The following CADM2 variants were observed in gnomAD, a reference collection of about 807,000 sequenced individuals.
CADM2 encodes cell adhesion molecule 2, also known as immunoglobulin superfamily member 4D.
In CADM2, 12 loss-of-function variants were observed where a neutral mutation model predicts 49.8. The observed-to-expected ratio is 0.24, with a 90% CI of 0.15 to 0.39. The LOEUF (loss-of-function observed/expected upper bound fraction) is 0.39, where lower values mean the gene tolerates loss of function less well. Ranked by LOEUF, CADM2 falls within the 10% of genes least tolerant of loss-of-function variation. The pLI is 1.00. For synonymous variants in CADM2, 214 were observed against 175.4 expected, an observed-to-expected ratio of 1.22 and a Z score of -1.74; for missense variants, 378 against 492.3, an observed-to-expected ratio of 0.77 and a Z score of 2.20.
intron 1 of CADM2, among the ~76,000 whole-genome samples, chr3:85,350,807 A>G (rs148824020): frequency 2.0e-5 from 3 of 152,290 alleles, no homozygotes; most frequent in East Asian, 1.9e-4. Context: ...CTTCCGCTAC[A>G]TATCATACTG....
chr3:85,513,766 T>C (rs1035273154), intron 1 of CADM2, among the ~76,000 whole-genome samples: 3 of 152,006 alleles, frequency 2.0e-5, no homozygotes, highest in Non-Finnish European at 4.4e-5. Context: ...GGCTATACTT[T>C]GAATGTAAAT....
At chr3:85,761,370 T>C (rs962406235) in intron 2 of CADM2, among the ~76,000 whole-genome samples, 1 of 137,328 alleles carries the variant, frequency 7.3e-6, no homozygotes. Context: ...CACAAAACTT[T>C]TTTTTTTTTT....
At chr3:85,300,517 T>G (rs2044071508) in intron 1 of CADM2, among the ~76,000 whole-genome samples, 1 of 152,130 alleles carries the variant, frequency 6.6e-6, no homozygotes, top group Non-Finnish European at 1.5e-5. Context: ...AGATCTTCTG[T>G]ACCCAAATAA....
intron 6 of CADM2, among the ~76,000 whole-genome samples, chr3:85,919,349 A>C (rs900412904): frequency 1.3e-4 from 20 of 151,998 alleles, no homozygotes; most frequent in Non-Finnish European, 2.4e-4. Flanking sequence ...ATGTACACCC[A>C]AAAAATTCTG....
intron 8 of CADM2, among the ~76,000 whole-genome samples, chr3:86,062,994 C>A (rs1738871299): frequency 1.3e-5 from 2 of 152,060 alleles, no homozygotes; most frequent in African/African-American, 4.8e-5. Flanking sequence ...GTAACAGAGA[C>A]TGGAAAATGC....
chr3:85,939,084 T>G (rs1404395628), intron 7 of CADM2, among the ~76,000 whole-genome samples: 1 of 152,020 alleles, frequency 6.6e-6, no homozygotes, highest in Non-Finnish European at 1.5e-5. Context: ...GAGCCTGGTG[T>G]TCCGAACCTG....
At chr3:85,242,698 A>G (rs1246631044) in intron 1 of CADM2, among the ~76,000 whole-genome samples, 2 of 151,868 alleles carry the variant, frequency 1.3e-5, no homozygotes, top group African/African-American at 4.8e-5. Context: ...TAAAGAAATT[A>G]TGACGTTAGA....
intron 1 of CADM2, among the ~76,000 whole-genome samples, chr3:85,113,205 T>C (rs978022718): frequency 1.3e-5 from 2 of 152,192 alleles, no homozygotes; most frequent in Non-Finnish European, 1.5e-5. Flanking sequence ...TGCCAATCAA[T>C]CTCTCATTTT....
intron 1 of CADM2, among the ~76,000 whole-genome samples, chr3:85,261,133 T>C (rs2043006309): frequency 6.6e-6 from 1 of 152,086 alleles, no homozygotes; most frequent in African/African-American, 2.4e-5. Context: ...TTTCTTTCTT[T>C]CTATTTATTT....
chr3:85,216,053 C>G (rs1457694724), intron 1 of CADM2, among the ~76,000 whole-genome samples: 3 of 151,688 alleles, frequency 2.0e-5, no homozygotes, highest in Non-Finnish European at 1.5e-5. Flanking sequence ...GTTTGTTCAC[C>G]TGATTTTTGG....
In CADM2 at chr3:85,967,435, T is replaced by C. The variant is rs1461730703; in HGVS notation, c.970+5788T>C. Among the ~76,000 whole-genome samples the C allele has an allele frequency of 4.6e-5, 7 of 151,776 alleles. No individual in the cohort carries two copies. The East Asian group carries it at 9.8e-4, about 21-fold the overall frequency. On this transcript the variant is annotated intron_variant, in intron 8 of 9. Transcript: ENST00000383699. ...TGACCCTAAATTTAGCAAAATAATA[T>C]ATATGTCAGTGAATGCAGCAATCAT...
chr3:85,170,282 G>C (rs2040587116), intron 1 of CADM2, among the ~76,000 whole-genome samples: 1 of 151,872 alleles, frequency 6.6e-6, no homozygotes, highest in Admixed American at 6.6e-5. Context: ...ATGTCTTTTA[G>C]GTAAAATGTA....
chr3:85,530,594 G>C (rs2061283794), intron 1 of CADM2, among the ~76,000 whole-genome samples: 1 of 151,938 alleles, frequency 6.6e-6, no homozygotes, highest in African/African-American at 2.4e-5. Flanking sequence ...CTCCCAAAGT[G>C]CTGGGATTAC....
At chr3:85,517,263 T>C (rs570026134) in intron 1 of CADM2, among the ~76,000 whole-genome samples, 1 of 152,168 alleles carries the variant, frequency 6.6e-6, no homozygotes, top group South Asian at 2.1e-4. Context: ...CTGTAAAAAA[T>C]TATTGATGCT....
chr3:85,745,117 G>A (rs947269760), intron 2 of CADM2, among the ~76,000 whole-genome samples: 1 of 152,130 alleles, frequency 6.6e-6, no homozygotes, highest in Non-Finnish European at 1.5e-5. Context: ...AAAGAGTCAA[G>A]GGTGTCTCTA....
intron 1 of CADM2, among the ~76,000 whole-genome samples, chr3:85,687,136 A>C (rs2066240894): frequency 1.3e-5 from 2 of 152,198 alleles, no homozygotes; most frequent in South Asian, 4.1e-4. Flanking sequence ...TATTTATTTC[A>C]AGTAACTATC....
chr3:85,777,874 C>T (rs1340755018), intron 2 of CADM2, among the ~76,000 whole-genome samples: 1 of 152,146 alleles, frequency 6.6e-6, no homozygotes, highest in Non-Finnish European at 1.5e-5. Flanking sequence ...TTTCGTGAAG[C>T]AAACTCTAAT....
intron 1 of CADM2, among the ~76,000 whole-genome samples, chr3:85,123,283 C>T (rs2038925601): frequency 6.6e-6 from 1 of 152,120 alleles, no homozygotes; most frequent in South Asian, 2.1e-4. Context: ...ATTTAAAGGG[C>T]AAAGCAATGA....
intron 1 of CADM2, among the ~76,000 whole-genome samples, chr3:85,259,560 T>C (rs184598146): frequency 6.6e-4 from 100 of 152,224 alleles, no homozygotes; most frequent in African/African-American, 2.3e-3. Context: ...CCTTTAAACA[T>C]TTACAAACTT....
Sources: gnomAD v4.1 joint callset for allele counts (sites outside exome capture counted in the v4.1 genomes callset) on GRCh38, gnomAD v4.1.1 for gene constraint, MANE v1.5 for transcripts, NCBI Gene and HGNC (gene_info 2026-07-23, HGNC 2026-07-21) for gene names.